The following SLC24A5 variants were observed in gnomAD, a reference collection of about 807,000 sequenced individuals.
SLC24A5 encodes the protein sodium/potassium/calcium exchanger 5.
Under a neutral mutation model 51.6 loss-of-function variants are expected in SLC24A5, and 46 were observed. The observed-to-expected ratio is 0.89, with a 90% confidence interval of 0.70 to 1.14. SLC24A5 has a LOEUF of 1.14. SLC24A5 is among the 50% of genes most tolerant of loss of function. The pLI is 0.00. For synonymous variants in SLC24A5, 230 were observed against 214.9 expected (o/e 1.07, Z -0.62); for missense variants, 581 against 604.1 (o/e 0.96, Z 0.40).
intron 2 of SLC24A5, 47 bp downstream of exon 2, chr15:48,122,083 A>G: frequency 6.3e-7 from 1 of 1,577,862 alleles, no homozygotes; most frequent in Non-Finnish European, 8.7e-7. Context: ...AGAGTGTGCC[A>G]CACAGATATG....
At chr15:48,129,237 T>C (rs1013742138) in intron 2 of SLC24A5, among the ~76,000 whole-genome samples, 2 of 152,136 alleles carry the variant, frequency 1.3e-5, no homozygotes, top group Non-Finnish European at 2.9e-5. Flanking sequence ...ATCTTACTTA[T>C]TGTTAAAAAC....
chr15:48,127,931 A>G (rs1350815417), intron 2 of SLC24A5, among the ~76,000 whole-genome samples: 1 of 151,592 alleles, frequency 6.6e-6, no homozygotes, highest in African/African-American at 2.4e-5. Context: ...TTTATTGTTT[A>G]AAAAGTCACT....
At chr15:48,132,277 C>T (rs545160608) in intron 2 of SLC24A5, among the ~76,000 whole-genome samples, 2 of 152,156 alleles carry the variant, frequency 1.3e-5, no homozygotes, top group South Asian at 4.1e-4. Context: ...TCAATTAAGT[C>T]CTTTCTGGTT....
chr15:48,122,198 G>A (rs2038686897), intron 2 of SLC24A5, 162 bp downstream of exon 2: 2 of 702,688 alleles, frequency 2.8e-6, no homozygotes, highest in Non-Finnish European at 5.0e-6. Context: ...GGTCGAGTGT[G>A]GTTTCTCTTG....
chr15:48,139,346 G>T, intron 7 of SLC24A5, 171 bp downstream of exon 7: 1 of 544,406 alleles, frequency 1.8e-6, no homozygotes, highest in Non-Finnish European at 3.3e-6. Flanking sequence ...ACTGGAGTTT[G>T]TGAGTTGCAT....
chr15:48,141,845 A>G (rs1421583402), intron 8 of SLC24A5, 184 bp from the exon 9 acceptor site: 1 of 409,744 alleles, frequency 2.4e-6, no homozygotes, highest in Non-Finnish European at 4.3e-6. Flanking sequence ...AATAAATGTT[A>G]AGACTTTAAA....
intron 2 of SLC24A5, among the ~76,000 whole-genome samples, chr15:48,126,668 T>A (rs1363124841): frequency 6.6e-6 from 1 of 152,160 alleles, no homozygotes; most frequent in African/African-American, 2.4e-5. Flanking sequence ...CTCTAGAATG[T>A]TACCCGGATG....
chr15:48,121,889 T>C lies in SLC24A5; in HGVS notation c.154T>C (p.Ser52Pro). ...NSTQCVISPS[S>P]EFPEGFFTRQ... ...CACCCAATGTGTTATTTCTCCATCATCGGAGTTTCCCGAAGGGTTTTTCAC... is the reference window on the plus strand; with the variant it reads ...CACCCAATGTGTTATTTCTCCATCACCGGAGTTTCCCGAAGGGTTTTTCAC... The change falls in exon 2 of 9, where the codon TCG becomes CCG. Residue 52 changes from serine to proline, a missense_variant. By Grantham distance (74) the Ser-to-Pro change is moderately conservative. Transcript: ENST00000341459. The C allele has an allele frequency of 2.0e-5, 33 of 1,614,172 alleles. No homozygotes were observed. The highest frequency in any genetic ancestry group is 2.6e-5 in the Non-Finnish European group (31 of 1,180,000).
intron 5 of SLC24A5, chr15:48,135,641 A>T (rs1205778540): frequency 1.3e-5 from 2 of 152,104 alleles, no homozygotes; most frequent in Admixed American, 6.6e-5. Context: ...CATAAGGGAT[A>T]ATGAAATGTA....
Position 48,136,852 on chromosome 15 carries a change from GGTCAACCATTCATTC to G in SLC24A5, c.764_778del (p.Gln255_Arg259del). On this transcript the variant is annotated inframe_deletion, in exon 6 of 9. Coordinates refer to ENST00000341459, the MANE Select transcript of SLC24A5 (RefSeq NM_205850.3). ...GCCACTGATGGGCTGGGAAGATGAA[GGTCAACCATTCATTC>G]GTCGGCAATCAAGAACTGATAGTGG... The G allele has an allele frequency of 6.2e-7, 1 of 1,613,744 alleles. No homozygotes were observed. The highest frequency in any genetic ancestry group is 1.1e-5 in the South Asian group (1 of 91,046).
rs774718714 is a variant in SLC24A5 at position 48,142,372 on chromosome 15, A to C, written c.*21A>C. ...GTTGATATTATTAATAGTGTTATGC[A>C]GAAAATATGAATGGCAGGGAGGGGC... On this transcript the variant is annotated 3_prime_UTR_variant, in exon 9 of 9. Coordinates refer to ENST00000341459, the MANE Select transcript of SLC24A5 (RefSeq NM_205850.3). 1.4e-6 allele frequency: 2 copies of C among 1,453,816 alleles called. No homozygotes were observed. Among genetic ancestry groups the C allele is most frequent in the Admixed American group, 2.1e-5 (1 of 47,002 alleles). 90.1% of individuals were successfully genotyped at this position (1,453,816 alleles called of 1,614,324 possible). A position where few individuals can be genotyped will look rare whatever the true frequency, so the allele number is the denominator to read the frequency against.
intron 5 of SLC24A5, chr15:48,135,632 A>G (rs1448970723): frequency 1.2e-4 from 18 of 152,132 alleles, no homozygotes; most frequent in Admixed American, 1.2e-3. Context: ...GCTAGATATC[A>G]TAAGGGATAA....
At chr15:48,126,632 C>A (rs193092409) in intron 2 of SLC24A5, among the ~76,000 whole-genome samples, 2 of 152,248 alleles carry the variant, frequency 1.3e-5, no homozygotes, top group Admixed American at 6.5e-5. Context: ...CTAAGGAGAG[C>A]TTCCTCATCC....
intron 7 of SLC24A5, chr15:48,140,638 A>C (rs1389258925): frequency 6.6e-6 from 1 of 150,872 alleles, no homozygotes; most frequent in Middle Eastern, 3.2e-3. Context: ...AAAGCCCACT[A>C]AATTAAGGTA....
At chr15:48,136,570 AT>A in intron 5 of SLC24A5, 112 bp from the exon 6 acceptor site, 2 of 966,576 alleles carry the variant, frequency 2.1e-6, no homozygotes, top group Non-Finnish European at 3.0e-6. Context: ...GAAATGTTTG[AT>A]TGTTCTATGG....
intron 2 of SLC24A5, among the ~76,000 whole-genome samples, chr15:48,129,215 G>C (rs540351751): frequency 1.3e-5 from 2 of 152,068 alleles, no homozygotes; most frequent in South Asian, 4.2e-4. Context: ...GTAAATGTAA[G>C]GTAATCAAGT....
chr15:48,141,298 G>A, intron 8 of SLC24A5, 84 bp downstream of exon 8: 1 of 1,164,790 alleles, frequency 8.6e-7, no homozygotes, highest in Non-Finnish European at 1.2e-6. Flanking sequence ...TTTACTTCCA[G>A]CCGGGTGTGG....
At chr15:48,127,816 C>G (rs903137440) in intron 2 of SLC24A5, among the ~76,000 whole-genome samples, 1 of 151,862 alleles carries the variant, frequency 6.6e-6, no homozygotes, top group African/African-American at 2.4e-5. Flanking sequence ...GAGCAAGACT[C>G]CATCTCAAAA....
chr15:48,132,839 A>G (rs1476990331), intron 2 of SLC24A5, among the ~76,000 whole-genome samples: 1 of 152,140 alleles, frequency 6.6e-6, no homozygotes, highest in African/African-American at 2.4e-5. Flanking sequence ...AGGACTTACC[A>G]TGTCGTAGCT....
Sources: gnomAD v4.1 joint callset for allele counts (sites outside exome capture counted in the v4.1 genomes callset) on GRCh38, gnomAD v4.1.1 for gene constraint, MANE v1.5 for transcripts, NCBI Gene and HGNC (gene_info 2026-07-23, HGNC 2026-07-21) for gene names.